The following ATRNL1 variants were observed in gnomAD, a reference collection of about 807,000 sequenced individuals.
ATRNL1 encodes attractin-like protein 1.
A neutral mutation model predicts 182.7 loss-of-function variants in ATRNL1; 95 were observed. That is an observed-to-expected ratio of 0.52 (90% confidence interval 0.44 to 0.62). ATRNL1 has a LOEUF of 0.62. Ranked by LOEUF, ATRNL1 falls within the 20% of genes least tolerant of loss-of-function variation. ATRNL1 has a pLI of 0.00. For missense variants in ATRNL1, 1,471 were observed against 1,679.5 expected (o/e 0.88, Z 2.17); for synonymous variants, 576 against 568.3 (o/e 1.01, Z -0.19).
chr10:115,924,634 C>T (rs1356845897), intron 28 of ATRNL1, among the ~76,000 whole-genome samples: 1 of 152,124 alleles, frequency 6.6e-6, no homozygotes. Flanking sequence ...CAGTACCATG[C>T]TGTTTTGATT....
chr10:115,398,721 G>A (rs1257541757), intron 20 of ATRNL1, among the ~76,000 whole-genome samples: 1 of 151,976 alleles, frequency 6.6e-6, no homozygotes, highest in Non-Finnish European at 1.5e-5. Flanking sequence ...GACTGCCCTG[G>A]TGAGAACTTC....
At chr10:115,111,137 A>G (rs1844238961) in intron 1 of ATRNL1, among the ~76,000 whole-genome samples, 1 of 152,230 alleles carries the variant, frequency 6.6e-6, no homozygotes, top group African/African-American at 2.4e-5. Context: ...GAAGAGATTG[A>G]TCTTATCATT....
At chr10:115,712,940 C>A (rs1401686053) in intron 26 of ATRNL1, among the ~76,000 whole-genome samples, 1 of 151,976 alleles carries the variant, frequency 6.6e-6, no homozygotes. Context: ...CTTATTCATG[C>A]CTTCTCCTCC....
intron 28 of ATRNL1, among the ~76,000 whole-genome samples, chr10:115,919,010 A>T (rs576547362): frequency 6.6e-6 from 1 of 152,306 alleles, no homozygotes; most frequent in East Asian, 1.9e-4. Context: ...TCTAGACATA[A>T]ATAAAACCCA....
chr10:115,761,489 T>C (rs1948734492), intron 27 of ATRNL1, among the ~76,000 whole-genome samples: 1 of 152,160 alleles, frequency 6.6e-6, no homozygotes, highest in Non-Finnish European at 1.5e-5. Context: ...TAAATATCGC[T>C]GCAATTAAAT....
intron 19 of ATRNL1, among the ~76,000 whole-genome samples, chr10:115,363,574 T>G (rs1305394550): frequency 2.7e-5 from 4 of 149,354 alleles, no homozygotes; most frequent in Non-Finnish European, 6.0e-5. Context: ...TTTGGTGTTT[T>G]GGACATGAAG....
At chr10:115,736,660 A>G (rs1354138787) in intron 27 of ATRNL1, among the ~76,000 whole-genome samples, 3 of 152,172 alleles carry the variant, frequency 2.0e-5, no homozygotes, top group Non-Finnish European at 2.9e-5. Context: ...GCTTTCCTGC[A>G]TAGAGGATTG....
intron 17 of ATRNL1, among the ~76,000 whole-genome samples, chr10:115,311,182 G>A (rs1854003547): frequency 8.1e-6 from 1 of 123,204 alleles, no homozygotes; most frequent in African/African-American, 2.9e-5. Flanking sequence ...TACTTGATAT[G>A]ATTTAGATTT....
chr10:115,819,007 C>G (rs1398946990), intron 27 of ATRNL1, among the ~76,000 whole-genome samples: 2 of 152,060 alleles, frequency 1.3e-5, no homozygotes, highest in South Asian at 2.1e-4. Flanking sequence ...TTTTATCTAC[C>G]TTATCAGACG....
At chr10:115,110,216 G>A (rs561813857) in intron 1 of ATRNL1, among the ~76,000 whole-genome samples, 1 of 152,224 alleles carries the variant, frequency 6.6e-6, no homozygotes, top group South Asian at 2.1e-4. Context: ...TCATGATTAT[G>A]TTATGTCATT....
intron 14 of ATRNL1, among the ~76,000 whole-genome samples, chr10:115,284,266 A>G (rs566464917): frequency 7.2e-5 from 11 of 152,256 alleles, no homozygotes; most frequent in African/African-American, 2.6e-4. Flanking sequence ...ATTTGTTTTT[A>G]TTTGTATGAT....
Position 115,570,811 on chromosome 10 carries a change from C to A in ATRNL1, c.3795+21275C>A, listed in dbSNP as rs140919629. On this transcript the variant is annotated intron_variant, in intron 26 of 28. Coordinates refer to ENST00000355044, the MANE Select transcript of ATRNL1 (RefSeq NM_207303.4). ...ATCTAGCTATCATGTATAAAGGCAT[C>A]CTCAGGGAGAGGCCTATATCCAGAG... Among the ~76,000 whole-genome samples the A allele has an allele frequency of 5.4e-3, 821 of 152,240 alleles. 1 individual carries two copies. The highest frequency in any genetic ancestry group is 9.1e-3 in the Non-Finnish European group (620 of 68,002).
chr10:115,431,300 G>A (rs1433085165), intron 21 of ATRNL1, among the ~76,000 whole-genome samples: 1 of 151,920 alleles, frequency 6.6e-6, no homozygotes, highest in African/African-American at 2.4e-5. Flanking sequence ...AGCTATGTGG[G>A]AGGCTGAGGC....
At chr10:115,587,334 A>T (rs1855588670) in intron 26 of ATRNL1, among the ~76,000 whole-genome samples, 1 of 152,034 alleles carries the variant, frequency 6.6e-6, no homozygotes, top group Non-Finnish European at 1.5e-5. Context: ...AAGCCTTGGC[A>T]ATGGCGGGCG....
chr10:115,343,509 A>G (rs1485938493), intron 19 of ATRNL1, among the ~76,000 whole-genome samples: 1 of 152,112 alleles, frequency 6.6e-6, no homozygotes, highest in Non-Finnish European at 1.5e-5. Context: ...ACATTCATCT[A>G]ATAGAATTCT....
intron 12 of ATRNL1, among the ~76,000 whole-genome samples, chr10:115,267,605 G>A: frequency 6.6e-6 from 1 of 152,038 alleles, no homozygotes; most frequent in South Asian, 2.1e-4. Flanking sequence ...ATTAATAAAT[G>A]TATTTTTAAG....
At chr10:115,851,707 C>T (rs1191337700) in intron 28 of ATRNL1, among the ~76,000 whole-genome samples, 10 of 152,256 alleles carry the variant, frequency 6.6e-5, no homozygotes, top group Non-Finnish European at 1.0e-4. Context: ...CCTGCTTCCC[C>T]GCCCAGTAAA....
At chr10:115,687,169 G>A (rs962915370) in intron 26 of ATRNL1, among the ~76,000 whole-genome samples, 1 of 152,016 alleles carries the variant, frequency 6.6e-6, no homozygotes, top group Admixed American at 6.6e-5. Flanking sequence ...TACACATTAT[G>A]CTATAATTAT....
At position 115,116,280 on chromosome 10, in the gene ATRNL1, TA is replaced by T. The variant is rs576235796; in HGVS notation, c.294-3897del. ...TCAAGAAGAGGAATGATAGAAAGTT[TA>T]AAAAAAAGTTGTTTGAAACTTGGAA... On this transcript the variant is annotated intron_variant, in intron 1 of 28. Coordinates refer to ENST00000355044, the MANE Select transcript of ATRNL1 (RefSeq NM_207303.4). Among the ~76,000 whole-genome samples the T allele has an allele frequency of 1.3e-4, 20 of 152,008 alleles. No homozygotes were observed. The East Asian group carries it at 3.1e-3, about 23-fold the overall frequency.
Sources: gnomAD v4.1 joint callset for allele counts (sites outside exome capture counted in the v4.1 genomes callset) on GRCh38, gnomAD v4.1.1 for gene constraint, MANE v1.5 for transcripts, NCBI Gene and HGNC (gene_info 2026-07-23, HGNC 2026-07-21) for gene names.